The following PACC1 variants were observed in gnomAD, a reference collection of about 807,000 sequenced individuals.
PACC1 encodes proton-activated chloride channel.
Under a neutral mutation model 39.7 loss-of-function variants are expected in PACC1, and 34 were observed. The observed-to-expected ratio is 0.86, with a 90% confidence interval of 0.65 to 1.14. The LOEUF is 1.14. Among genes scored for constraint, PACC1 ranks in the 50% most tolerant of loss-of-function variants. The probability of loss-of-function intolerance (pLI) is 0.00; values close to 1 mark genes in which losing one functional copy is unlikely to be tolerated. For missense variants in PACC1, 379 were observed against 436.4 expected (o/e 0.87, Z 1.17); for synonymous variants, 127 against 160.6 (o/e 0.79, Z 1.58).
chr1:212,389,085 A>T (rs1348152458), intron 2 of PACC1, among the ~76,000 whole-genome samples: 1 of 152,228 alleles, frequency 6.6e-6, no homozygotes, highest in Non-Finnish European at 1.5e-5. Flanking sequence ...ATTGAAAGAG[A>T]GGCTACCCTT....
At position 212,386,708 on chromosome 1, in the gene PACC1, C is replaced by T. The variant is rs1281341015; in HGVS notation, c.343+183G>A. Among the ~76,000 whole-genome samples the T allele has an allele frequency of 3.3e-5, 5 of 152,138 alleles. No individual in the cohort carries two copies. Among genetic ancestry groups the T allele is most frequent in the Non-Finnish European group, 5.9e-5 (4 of 68,022 alleles). On this transcript the variant is annotated intron_variant, in intron 3 of 7. Transcript: ENST00000261455. This position sits in a 1 kb window ranked among gnomAD's most constrained non-coding sequence, Gnocchi z 5.0. ...TGCTCCAGGCTCTGTCCATTTCTGTCCTCAGCACGTAACACACTCCCAACA... is the reference window on the plus strand; with the variant it reads ...TGCTCCAGGCTCTGTCCATTTCTGTTCTCAGCACGTAACACACTCCCAACA...
In PACC1 at chr1:212,405,298, G is replaced by C. The variant is rs77783387; in HGVS notation, c.133+5127C>G. On this transcript the variant is annotated intron_variant, in intron 2 of 7. Coordinates refer to ENST00000261455, the MANE Select transcript of PACC1 (RefSeq NM_018252.3). ...ATACTACACTCCACACTAGGCACTG[G>C]AGTTACAGTAAAGGAGGAGAAGACA... Among the ~76,000 whole-genome samples the C allele has an allele frequency of 9.0e-3, 1,368 of 152,240 alleles. 11 individuals are homozygous for C. The highest frequency in any genetic ancestry group is 0.022 in the South Asian group (104 of 4,818).
chr1:212,380,417 T>C (rs1385111207), intron 4 of PACC1, among the ~76,000 whole-genome samples: 4 of 152,256 alleles, frequency 2.6e-5, no homozygotes, highest in African/African-American at 7.2e-5. Flanking sequence ...AAATTTAACG[T>C]AGTAAAACCT....
chr1:212,390,348 G>A (rs1337159770), intron 2 of PACC1, among the ~76,000 whole-genome samples: 7 of 151,562 alleles, frequency 4.6e-5, no homozygotes, highest in African/African-American at 1.5e-4. Flanking sequence ...GCTTGAACCC[G>A]GGAGGCGGAG....
intron 2 of PACC1, among the ~76,000 whole-genome samples, chr1:212,390,303 A>G (rs1392453050): frequency 1.3e-5 from 2 of 151,882 alleles, no homozygotes; most frequent in Non-Finnish European, 2.9e-5. Context: ...CATGCCTATA[A>G]TCCCAGCTAC....
At chr1:212,373,036 C>T (rs1172378502) in intron 7 of PACC1, among the ~76,000 whole-genome samples, 1 of 151,990 alleles carries the variant, frequency 6.6e-6, no homozygotes, top group Non-Finnish European at 1.5e-5. Flanking sequence ...ACAAAAAACC[C>T]CAGATAGCCA....
chr1:212,390,600 C>T (rs1346540117), intron 2 of PACC1, among the ~76,000 whole-genome samples: 1 of 151,888 alleles, frequency 6.6e-6, no homozygotes, highest in Non-Finnish European at 1.5e-5. Flanking sequence ...GGGTGCAGGA[C>T]AGTGGGTGCA....
intron 1 of PACC1, chr1:212,413,998 G>A (rs370745786): frequency 1.3e-6 from 2 of 1,535,848 alleles, no homozygotes; most frequent in South Asian, 2.4e-5. Context: ...AGAAGTGGAG[G>A]CGGAGGAGGA....
intron 2 of PACC1, among the ~76,000 whole-genome samples, chr1:212,394,506 T>C (rs995426526): frequency 1.3e-5 from 2 of 152,154 alleles, no homozygotes; most frequent in East Asian, 1.9e-4. Context: ...ACTGGAAGCA[T>C]TCCCTTTGAA....
chr1:212,402,244 T>C (rs1198173664), intron 2 of PACC1, among the ~76,000 whole-genome samples: 1 of 152,200 alleles, frequency 6.6e-6, no homozygotes, highest in Non-Finnish European at 1.5e-5. Flanking sequence ...TGTCAGACTA[T>C]TTTCCACAGC....
intron 2 of PACC1, among the ~76,000 whole-genome samples, chr1:212,400,325 A>G (rs1477359359): frequency 1.3e-5 from 2 of 152,174 alleles, no homozygotes; most frequent in African/African-American, 4.8e-5. Context: ...TTCTCCCTAC[A>G]TGTTCCTGAA....
intron 1 of PACC1, 25 bp downstream of exon 1, chr1:212,414,697 C>G (rs770138652): frequency 6.2e-7 from 1 of 1,613,284 alleles, no homozygotes; most frequent in Non-Finnish European, 8.5e-7. Context: ...CTCAAACTTC[C>G]CTTCCGTCTC....
chr1:212,397,555 A>C (rs1661570751), intron 2 of PACC1, among the ~76,000 whole-genome samples: 1 of 152,218 alleles, frequency 6.6e-6, no homozygotes, highest in Non-Finnish European at 1.5e-5. Flanking sequence ...ACAAGGAAAT[A>C]ATTCATTCTT....
In PACC1 at chr1:212,364,816, G is replaced by A. The variant is rs1268731214; in HGVS notation, c.*399C>T. 1.3e-5 allele frequency: 2 copies of A among 152,836 alleles called. No individual in the cohort carries two copies. Among genetic ancestry groups the A allele is most frequent in the Non-Finnish European group, 2.9e-5 (2 of 68,608 alleles). 9.5% of individuals were successfully genotyped at this position (152,836 alleles called of 1,614,324 possible). ...CACGTCTTGATACTCAGGAATTTTT[G>A]GAAAAAGAAAATCACACTCTTTTGT... On this transcript the variant is annotated 3_prime_UTR_variant, in exon 8 of 8. Transcript: ENST00000261455.
intron 1 of PACC1, among the ~76,000 whole-genome samples, chr1:212,411,721 T>A (rs910066374): frequency 2.0e-5 from 3 of 152,106 alleles, no homozygotes; most frequent in Admixed American, 6.5e-5. Flanking sequence ...AAAACTCACC[T>A]CCAAGAGACA....
At chr1:212,383,067 G>A (rs189326384) in intron 4 of PACC1, among the ~76,000 whole-genome samples, 1 of 152,314 alleles carries the variant, frequency 6.6e-6, no homozygotes, top group East Asian at 1.9e-4. Flanking sequence ...ATGCTGGTTT[G>A]GGTAGGAAAC....
rs1292274490 is a variant in PACC1, at chr1:212,379,930, G to A, written c.603C>T (p.Tyr201=). 17 of 1,614,086 alleles carry A rather than the reference G, an allele frequency of 1.1e-5. No individual in the cohort carries two copies. The highest frequency in any genetic ancestry group is 2.2e-5 in the East Asian group (1 of 44,898). Reference sequence around the variant, plus strand: ...ACTCCTGGAAAGAAGAGAAGAGGAGGTAATCAATGGCGCTGAAGTCCTCAC... The same window carrying A: ...ACTCCTGGAAAGAAGAGAAGAGGAGATAATCAATGGCGCTGAAGTCCTCAC... The part of the protein sequence containing the change: ...KSSEDFSAID[Y]LLFSSFQEFL... The change falls in exon 5 of 8, where the codon TAC becomes TAT. Residue 201 remains tyrosine (Y), a synonymous_variant. Transcript: ENST00000261455.
At chr1:212,387,132 G>GCACA in intron 2 of PACC1, 32 bp from the exon 3 acceptor site, 1 of 1,608,442 alleles carries the variant, frequency 6.2e-7, no homozygotes. Context: ...GTGACCCAGG[G>GCACA]CACAGGGACA....
chr1:212,395,780 A>G (rs892559306), intron 2 of PACC1, among the ~76,000 whole-genome samples: 4 of 152,216 alleles, frequency 2.6e-5, no homozygotes, highest in African/African-American at 7.2e-5. Context: ...AGTGAAGGAT[A>G]TGAATGGATA....
Sources: gnomAD v4.1 joint callset for allele counts (sites outside exome capture counted in the v4.1 genomes callset) on GRCh38, gnomAD v4.1.1 for gene constraint, Gnocchi (gnomAD v3.1) non-coding constraint, MANE v1.5 for transcripts, NCBI Gene and HGNC (gene_info 2026-07-23, HGNC 2026-07-21) for gene names.